Variants in APLP1 observed in about 807,000 individuals in gnomAD.
The protein encoded by APLP1 is amyloid beta precursor like protein 1, also known as amyloid beta (A4) precursor-like protein 1.
APLP1 carries 46 observed loss-of-function variants against 84.5 expected under a neutral mutation model. That is an observed-to-expected ratio of 0.54 (90% CI 0.43 to 0.70). APLP1 has a LOEUF of 0.70. APLP1 is among the 30% of genes least tolerant of loss of function. The pLI is 0.00. For synonymous variants in APLP1, 376 were observed against 364.0 expected (o/e 1.03, Z -0.38); for missense variants, 826 against 900.2 (o/e 0.92, Z 1.05).
In APLP1 at chr19:35,871,626, G is replaced by A. The variant is rs1568474329; in HGVS notation, c.552G>A (p.Gln184=). The A allele has an allele frequency of 6.2e-7, 1 of 1,613,956 alleles. No homozygotes were observed. Among genetic ancestry groups the A allele is most frequent in the Non-Finnish European group, 8.5e-7 (1 of 1,179,990 alleles). ...TCTTCCTACAGGCCTGCAGCTCCCA[G>A]GGCCTCATCCTGCACGGCTCGGGCA... The part of the protein sequence containing the change: ...HQEAQEACSS[Q]GLILHGSGML... The change falls in exon 5 of 17, where the codon CAG becomes CAA. Residue 184 remains glutamine (Q), a synonymous_variant. Coordinates refer to ENST00000221891, the MANE Select transcript of APLP1 (RefSeq NM_001024807.3).
chr19:35,879,430 G>T lies in APLP1; in HGVS notation c.1945G>T (p.Glu649Ter). ...GAACCCCACTTACCGCTTCCTGGAG[G>T]AACGACCCTGACCCGGCCCCCTTCA... Reference protein sequence around the residue: ...YENPTYRFLEERP With the variant: ...YENPTYRFLE The change falls in exon 17 of 17, where the codon GAA (glutamate) becomes TAA (stop). Residue 649 changes from glutamate (E) to a stop codon, truncating the protein, a stop_gained. Coordinates refer to ENST00000221891, the MANE Select transcript of APLP1 (RefSeq NM_001024807.3). LOFTEE classifies it high-confidence loss of function. 6.2e-7 allele frequency: 1 copy of T among 1,613,180 alleles called. No homozygotes were observed. The highest frequency in any genetic ancestry group is 8.5e-7 in the Non-Finnish European group (1 of 1,179,990).
chr19:35,869,019 C>G (rs570520021), intron 1 of APLP1: 2 of 365,684 alleles, frequency 5.5e-6, no homozygotes, highest in East Asian at 4.2e-5. Flanking sequence ...GCCCCTGGTC[C>G]CAGAAGTCCA....
chr19:35,870,875 G>T, intron 2 of APLP1, 21 bp from the exon 3 acceptor site: 1 of 1,597,874 alleles, frequency 6.3e-7, no homozygotes, highest in Non-Finnish European at 8.5e-7. Flanking sequence ...TGGGCTGATT[G>T]CCCCCATCTG....
chr19:35,879,316 G>C (rs1274831079), intron 16 of APLP1, 27 bp from the exon 17 acceptor site: 1 of 1,613,090 alleles, frequency 6.2e-7, no homozygotes, highest in Non-Finnish European at 8.5e-7. Flanking sequence ...GCACCACACT[G>C]TCCTTTCCCT....
chr19:35,868,684 C>G lies in APLP1; in HGVS notation c.48C>G (p.Gly16=). The G allele has an allele frequency of 3.5e-6, 5 of 1,408,490 alleles. No homozygotes were observed. The highest frequency in any genetic ancestry group is 1.5e-5 in the African/African-American group (1 of 66,622). 87.2% of individuals were successfully genotyped at this position (1,408,490 alleles called of 1,614,324 possible). A position where few individuals can be genotyped will look rare whatever the true frequency, so the allele number is the denominator to read the frequency against. The change falls in exon 1 of 17, where the codon GGC becomes GGG. Residue 16 remains glycine, a synonymous_variant. Coordinates refer to ENST00000221891, the MANE Select transcript of APLP1 (RefSeq NM_001024807.3). This position sits in a 1 kb window ranked among gnomAD's most constrained non-coding sequence, Gnocchi z 5.2. ...PAARGLSRRP[G]QPPLPLLLPL... Reference sequence around the variant, plus strand: ...CTCGCGGTCTAAGTCGCCGCCCGGGCCAGCCGCCGCTGCCGCTGCTGCTGC... The same window carrying G: ...CTCGCGGTCTAAGTCGCCGCCCGGGGCAGCCGCCGCTGCCGCTGCTGCTGC...
chr19:35,878,866 T>C, intron 14 of APLP1, 24 bp from the exon 15 acceptor site: 1 of 1,613,914 alleles, frequency 6.2e-7, no homozygotes, highest in Non-Finnish European at 8.5e-7. Context: ...GCTTCTGGGT[T>C]CCTGACACCT....
chr19:35,871,428 G>A (rs940879627), intron 4 of APLP1, 79 bp downstream of exon 4: 14 of 1,350,904 alleles, frequency 1.0e-5, no homozygotes, highest in Admixed American at 4.0e-5. Flanking sequence ...CACCAGAACC[G>A]AGGAGTCTGG....
chr19:35,874,966 T>C lies in APLP1; in HGVS notation c.1344+97T>C, dbSNP rs563284672. On this transcript the variant is annotated intron_variant, in intron 10 of 16. Coordinates refer to ENST00000221891, the MANE Select transcript of APLP1 (RefSeq NM_001024807.3). The surrounding 1 kb of genome is among the most constrained non-coding windows in gnomAD (Gnocchi z 6.4). ...TCCCTTAGACCCTCTTTCTGTCTCT[T>C]GGACCCCTTCCTATCCCCTGAACAC... 44 of 1,488,874 alleles carry C rather than the reference T, an allele frequency of 3.0e-5. No homozygotes were observed. The African/African-American group carries it at 4.8e-4, about 16-fold the overall frequency. The allele number at this position is 1,488,874 out of a possible 1,614,324, so 92.2% of individuals were successfully genotyped here.
At position 35,874,012 on chromosome 19, in the gene APLP1, T is replaced by G. The variant is rs945412180; in HGVS notation, c.1056+299T>G. ...TCTGCAGATGCAGCCAGGGCCTTCT[T>G]GGTCTCTCTTTGATGCATTTATGTC... On this transcript the variant is annotated intron_variant, in intron 8 of 16. Transcript: ENST00000221891. This position sits in a 1 kb window ranked among gnomAD's most constrained non-coding sequence, Gnocchi z 6.4. 6.6e-6 allele frequency among the ~76,000 whole-genome samples: 1 copy of G among 152,192 alleles called. No homozygotes were observed. The highest frequency in any genetic ancestry group is 1.5e-5 in the Non-Finnish European group (1 of 68,030).
chr19:35,870,097 A>C, intron 2 of APLP1: 1 of 454,366 alleles, frequency 2.2e-6, no homozygotes, highest in Non-Finnish European at 3.9e-6. Flanking sequence ...CTAAGACAGA[A>C]AGAGACCTTA....
In APLP1 at chr19:35,874,813, C is replaced by T; in HGVS notation, c.1288C>T (p.His430Tyr). The T allele has an allele frequency of 6.8e-6, 11 of 1,612,610 alleles. No homozygotes were observed. The highest frequency in any genetic ancestry group is 7.6e-6 in the Non-Finnish European group (9 of 1,180,014). The change falls in exon 10 of 17, where the codon CAC becomes TAC. Residue 430 changes from histidine to tyrosine, a missense_variant. By Grantham distance (83) the His-to-Tyr change is moderately conservative. Coordinates refer to ENST00000221891, the MANE Select transcript of APLP1 (RefSeq NM_001024807.3). This position sits in a 1 kb window ranked among gnomAD's most constrained non-coding sequence, Gnocchi z 6.4. ...EQKEQRHTLR[H>Y]YQHVAAVDPE... ...GAAGGAACAGAGGCACACGCTGCGC[C>T]ACTACCAGCATGTGGCCGCCGTGGA...
chr19:35,874,567 G>A lies in APLP1; in HGVS notation c.1120G>A (p.Glu374Lys), dbSNP rs867658228. The change falls in exon 9 of 17, where the codon GAA (glutamate) becomes AAA (lysine). Residue 374 changes from glutamate (E) to lysine (K), a missense_variant. This residue lies in a region of APLP1 where 433 missense variants were observed against 496.5 expected (regional missense o/e 0.87). Coordinates refer to ENST00000221891, the MANE Select transcript of APLP1 (RefSeq NM_001024807.3). This position sits in a 1 kb window ranked among gnomAD's most constrained non-coding sequence, Gnocchi z 6.4. ...QVSGERQRLV[E>K]THATRVIALI... ...GTCTGGTGAGCGACAGCGCCTGGTG[G>A]AAACCCACGCCACCCGCGTCATCGC... The A allele has an allele frequency of 6.2e-7, 1 of 1,614,194 alleles. No homozygotes were observed. Among genetic ancestry groups the A allele is most frequent in the Non-Finnish European group, 8.5e-7 (1 of 1,180,040 alleles).
rs2146907667 is a variant in APLP1 at position 35,873,630 on chromosome 19, C to T, written c.982-9C>T. 3.1e-6 allele frequency: 5 copies of T among 1,614,042 alleles called. No homozygotes were observed. Among genetic ancestry groups the T allele is most frequent in the Non-Finnish European group, 4.2e-6 (5 of 1,179,950 alleles). On this transcript the variant is annotated splice_polypyrimidine_tract_variant and intron_variant, in intron 7 of 16. Transcript: ENST00000221891. Reference sequence around the variant, plus strand: ...ATTCTGGGATCCTGAAGCTCCCCTCCCTATGCAGGTGATGCGTGAATGGGC... The same window carrying T: ...ATTCTGGGATCCTGAAGCTCCCCTCTCTATGCAGGTGATGCGTGAATGGGC...
chr19:35,872,414 G>A, intron 6 of APLP1, 69 bp from the exon 7 acceptor site: 2 of 1,565,456 alleles, frequency 1.3e-6, no homozygotes, highest in Non-Finnish European at 1.7e-6. Flanking sequence ...TAGGAAATGT[G>A]GTTCTCTAGG....
At chr19:35,873,344 T>G (rs1717758936) in intron 7 of APLP1, among the ~76,000 whole-genome samples, 1 of 150,048 alleles carries the variant, frequency 6.7e-6, no homozygotes, top group Admixed American at 6.7e-5. Context: ...ACCTCCTGGG[T>G]TCACGCCATT....
chr19:35,869,042 G>T (rs1175663334), intron 1 of APLP1: 13 of 346,296 alleles, frequency 3.8e-5, no homozygotes, highest in Non-Finnish European at 6.7e-5. Flanking sequence ...CCCCTCTCCA[G>T]ACCCAGGTGA....
chr19:35,871,806 T>G (rs1052013957), intron 5 of APLP1, 52 bp from the exon 6 acceptor site: 22 of 1,613,098 alleles, frequency 1.4e-5, no homozygotes, highest in Non-Finnish European at 1.8e-5. Context: ...GATGGAAGCC[T>G]GGGAGCCCAG....
In APLP1 at chr19:35,879,244, T is replaced by A; in HGVS notation, c.1857+27T>A. 3.7e-6 allele frequency: 6 copies of A among 1,609,958 alleles called. No homozygotes were observed. The South Asian group carries it at 5.5e-5, about 15-fold the overall frequency. On this transcript the variant is annotated intron_variant, in intron 16 of 16. Coordinates refer to ENST00000221891, the MANE Select transcript of APLP1 (RefSeq NM_001024807.3). Reference sequence around the variant, plus strand: ...TGAGAACCATGGCGTGGTGGAGGTGTGGGAAGAGTTCCTGAGCCCGGGTGT... The same window carrying A: ...TGAGAACCATGGCGTGGTGGAGGTGAGGGAAGAGTTCCTGAGCCCGGGTGT...
Position 35,873,668 on chromosome 19 carries a change from C to T in APLP1, c.1011C>T (p.Asn337=), listed in dbSNP as rs1266635701. The T allele has an allele frequency of 1.9e-6, 3 of 1,614,040 alleles. No homozygotes were observed. Among genetic ancestry groups the T allele is most frequent in the Non-Finnish European group, 2.5e-6 (3 of 1,180,032 alleles). The change falls in exon 8 of 17, where the codon AAC becomes AAT. Residue 337 remains asparagine (N), a synonymous_variant. Transcript: ENST00000221891. ...EVMREWAMAD[N]QSKNLPKADR... ...TGCGTGAATGGGCCATGGCAGACAA[C>T]CAGTCCAAGAACCTGCCTAAAGCCG...
Sources: gnomAD v4.1 joint callset for allele counts (sites outside exome capture counted in the v4.1 genomes callset) on GRCh38, gnomAD v4.1.1 for gene constraint, gnomAD v4.1.1 regional missense constraint, Gnocchi (gnomAD v3.1) non-coding constraint, MANE v1.5 for transcripts, NCBI Gene and HGNC (gene_info 2026-07-23, HGNC 2026-07-21) for gene names.